Variants in CACNB2 observed in about 807,000 individuals in gnomAD.
The protein encoded by CACNB2 is voltage-dependent L-type calcium channel subunit beta-2.
In CACNB2, 42 loss-of-function variants were observed where a neutral mutation model predicts 73.3. The observed-to-expected ratio is 0.57, with a 90% CI of 0.45 to 0.74. CACNB2 has a LOEUF of 0.74. CACNB2 is among the 30% of genes least tolerant of loss of function. The probability of loss-of-function intolerance (pLI) is 0.00; values close to 1 mark genes in which losing one functional copy is unlikely to be tolerated. For synonymous variants in CACNB2, 348 were observed against 310.3 expected, an observed-to-expected ratio of 1.12 and a Z score of -1.28; for missense variants, 940 against 853.0, an observed-to-expected ratio of 1.10 and a Z score of -1.27.
chr10:18,407,989 A>G (rs923832429), intron 3 of CACNB2, among the ~76,000 whole-genome samples: 1 of 152,050 alleles, frequency 6.6e-6, no homozygotes, highest in Non-Finnish European at 1.5e-5. Context: ...TAATGACTAT[A>G]TTTATTATTT....
chr10:18,162,822 G>A (rs1303717305), intron 2 of CACNB2, among the ~76,000 whole-genome samples: 1 of 152,206 alleles, frequency 6.6e-6, no homozygotes, highest in Non-Finnish European at 1.5e-5. Context: ...GAGCCGAGAG[G>A]AAGTGATGTG....
intron 2 of CACNB2, among the ~76,000 whole-genome samples, chr10:18,235,232 C>T (rs1019701734): frequency 5.3e-5 from 8 of 151,758 alleles, no homozygotes; most frequent in Non-Finnish European, 1.2e-4. Context: ...GCAGGAGGAT[C>T]GCTGGAGACT....
intron 3 of CACNB2, among the ~76,000 whole-genome samples, chr10:18,413,310 C>G (rs2044744335): frequency 6.6e-6 from 1 of 152,196 alleles, no homozygotes; most frequent in Non-Finnish European, 1.5e-5. Flanking sequence ...TGTGCATTTT[C>G]CTTTGAATGA....
At chr10:18,447,068 A>C (rs55793979) in intron 3 of CACNB2, among the ~76,000 whole-genome samples, 1 of 152,002 alleles carries the variant, frequency 6.6e-6, no homozygotes, top group African/African-American at 2.4e-5. Flanking sequence ...TCAAAAAAAA[A>C]AAATAAATAA....
intron 2 of CACNB2, among the ~76,000 whole-genome samples, chr10:18,152,541 G>T (rs1349025250): frequency 2.0e-5 from 3 of 151,836 alleles, no homozygotes; most frequent in African/African-American, 4.8e-5. Flanking sequence ...TGCTGATGAA[G>T]GGAGGGCCTT....
At chr10:18,458,591 T>A (rs2047401213) in intron 3 of CACNB2, among the ~76,000 whole-genome samples, 1 of 152,086 alleles carries the variant, frequency 6.6e-6, no homozygotes, top group African/African-American at 2.4e-5. Flanking sequence ...AACAAAATTT[T>A]AAGAAATGTC....
At chr10:18,484,354 A>G (rs985452491) in intron 3 of CACNB2, among the ~76,000 whole-genome samples, 1 of 151,878 alleles carries the variant, frequency 6.6e-6, no homozygotes, top group Admixed American at 6.6e-5. Flanking sequence ...AGATCACGCC[A>G]CTGTACTCCA....
chr10:18,240,691 C>A (rs2036615401), intron 2 of CACNB2, among the ~76,000 whole-genome samples: 1 of 152,166 alleles, frequency 6.6e-6, no homozygotes, highest in Non-Finnish European at 1.5e-5. Context: ...ACCTCAGAGT[C>A]ATTCTCGATG....
At chr10:18,536,344 G>A (rs550128893) in intron 12 of CACNB2, 148 bp downstream of exon 12, 3 of 578,898 alleles carry the variant, frequency 5.2e-6, no homozygotes, top group African/African-American at 4.2e-5. Flanking sequence ...CTGCAGCCCT[G>A]AACTCCCGGG....
chr10:18,183,435 G>A (rs888461947), intron 2 of CACNB2, among the ~76,000 whole-genome samples: 5 of 151,944 alleles, frequency 3.3e-5, no homozygotes, highest in African/African-American at 9.7e-5. Context: ...AGACATACTC[G>A]AGACTGGGTA....
At chr10:18,152,128 C>T (rs2031611448) in intron 2 of CACNB2, among the ~76,000 whole-genome samples, 1 of 152,202 alleles carries the variant, frequency 6.6e-6, no homozygotes, top group African/African-American at 2.4e-5. Context: ...TTGAACTTGT[C>T]CACCTGCAGC....
chr10:18,398,562 T>C (rs1205228528), intron 2 of CACNB2, among the ~76,000 whole-genome samples: 2 of 151,962 alleles, frequency 1.3e-5, no homozygotes, highest in African/African-American at 4.8e-5. Context: ...TCCCAGCTGC[T>C]TGGGAGGCTG....
intron 3 of CACNB2, among the ~76,000 whole-genome samples, chr10:18,486,700 G>A (rs1480512767): frequency 6.6e-6 from 1 of 152,204 alleles, no homozygotes; most frequent in Non-Finnish European, 1.5e-5. Context: ...ACGGCAGTGA[G>A]ATGAGGGACT....
chr10:18,538,672 T>C (rs2053849374), intron 13 of CACNB2, among the ~76,000 whole-genome samples: 2 of 152,264 alleles, frequency 1.3e-5, no homozygotes, highest in South Asian at 4.1e-4. Context: ...CTGGGGCAAA[T>C]TTCTTAACTG....
chr10:18,297,302 T>C (rs150682619), intron 2 of CACNB2, among the ~76,000 whole-genome samples: 1,728 of 152,300 alleles, frequency 0.011, 9 homozygotes, highest in Middle Eastern at 0.017. Flanking sequence ...CCCAGCACTT[T>C]GGGAGGCCAA....
intron 2 of CACNB2, among the ~76,000 whole-genome samples, chr10:18,265,641 A>G (rs907203883): frequency 6.6e-6 from 1 of 152,220 alleles, no homozygotes; most frequent in African/African-American, 2.4e-5. Flanking sequence ...GAATTTTGAT[A>G]TAATCATTTA....
At chr10:18,537,589 C>A (rs1354336794) in intron 12 of CACNB2, among the ~76,000 whole-genome samples, 1 of 151,838 alleles carries the variant, frequency 6.6e-6, no homozygotes, top group African/African-American at 2.4e-5. Flanking sequence ...CCAGCCTGGC[C>A]AACATGGCAA....
At chr10:18,250,633 T>G (rs2037052715) in intron 2 of CACNB2, among the ~76,000 whole-genome samples, 1 of 152,210 alleles carries the variant, frequency 6.6e-6, no homozygotes, top group Non-Finnish European at 1.5e-5. Context: ...AATTAAATAT[T>G]TAAGATTTAG....
chr10:18,300,977 A>C (rs1053539883), intron 2 of CACNB2, among the ~76,000 whole-genome samples: 8 of 152,230 alleles, frequency 5.3e-5, no homozygotes, highest in Non-Finnish European at 8.8e-5. Flanking sequence ...GACTAGTGTC[A>C]GTTCCCAAGA....
Sources: allele counts gnomAD v4.1 joint callset (sites outside exome capture counted in the v4.1 genomes callset), GRCh38; gene constraint gnomAD v4.1.1; transcripts MANE v1.5; gene names NCBI Gene and HGNC (gene_info 2026-07-23, HGNC 2026-07-21).